Variants in FAM13B observed in about 807,000 individuals in gnomAD.
FAM13B encodes the protein protein FAM13B.
Under a neutral mutation model 117.3 loss-of-function variants are expected in FAM13B, and 60 were observed. The observed-to-expected ratio is 0.51, with a 90% CI of 0.42 to 0.63. The LOEUF (loss-of-function observed/expected upper bound fraction) is 0.63, where lower values mean the gene tolerates loss of function less well. Among genes scored for constraint, FAM13B ranks in the 30% least tolerant of loss-of-function variants. The pLI is 0.00. For missense variants in FAM13B, 972 were observed against 1,091.9 expected (o/e 0.89, Z 1.55); for synonymous variants, 332 against 356.1 (o/e 0.93, Z 0.76).
intron 6 of FAM13B, among the ~76,000 whole-genome samples, chr5:138,008,072 CA>C (rs758278171): frequency 1.9e-3 from 286 of 152,184 alleles, no homozygotes; most frequent in Non-Finnish European, 3.0e-3. Flanking sequence ...AAACTGCAAC[CA>C]AAAGAAAAGT....
intron 10 of FAM13B, among the ~76,000 whole-genome samples, chr5:137,968,774 G>A (rs950818332): frequency 2.0e-5 from 3 of 152,254 alleles, no homozygotes; most frequent in African/African-American, 7.2e-5. Flanking sequence ...AGCCAAAGCA[G>A]GGCGAGGCAT....
upstream of FAM13B, among the ~76,000 whole-genome samples, chr5:138,035,557 G>A (rs559825129): frequency 3.2e-4 from 48 of 152,058 alleles, no homozygotes; most frequent in Non-Finnish European, 5.0e-4. Context: ...GAGTAGATCT[G>A]TCATGTACCT....
At position 137,938,925 on chromosome 5, in the gene FAM13B, A is replaced by G. The variant is rs1048754844; in HGVS notation, c.*1300T>C. ...AGTCATCAATCCAAAAAAGCACCAG[A>G]AAAAAAAGTTAACACTTAGATTAAG... On this transcript the variant is annotated 3_prime_UTR_variant, in exon 24 of 24. Coordinates refer to ENST00000689681, the MANE Select transcript of FAM13B (RefSeq NM_001385994.1). 1 of 152,114 alleles carries G rather than the reference A, an allele frequency of 6.6e-6. No individual in the cohort carries two copies. The highest frequency in any genetic ancestry group is 1.9e-4 in the East Asian group (1 of 5,196). 9.4% of individuals were successfully genotyped at this position (152,114 alleles called of 1,614,324 possible). A position where few individuals can be genotyped will look rare whatever the true frequency, so the allele number is the denominator to read the frequency against.
chr5:137,986,755 T>C (rs1397841011), intron 9 of FAM13B, among the ~76,000 whole-genome samples: 2 of 152,244 alleles, frequency 1.3e-5, no homozygotes, highest in African/African-American at 4.8e-5. Context: ...TTAAAAGCCA[T>C]TCATTTGCTT....
At chr5:138,037,078 CTTCT>C (rs1211538673), upstream of FAM13B, 2 of 25,638 alleles carry the variant, frequency 7.8e-5, no homozygotes, top group African/African-American at 1.9e-4. Flanking sequence ...ATCACTTTTT[CTTCT>C]TTTTTTCCTA....
chr5:137,973,060 T>A (rs920319663), intron 10 of FAM13B, among the ~76,000 whole-genome samples: 7 of 152,028 alleles, frequency 4.6e-5, no homozygotes, highest in African/African-American at 1.5e-4. Context: ...TTCAATGCCA[T>A]CCCCATCAAG....
At chr5:138,024,037 A>G (rs1787511623) in intron 1 of FAM13B, among the ~76,000 whole-genome samples, 1 of 152,084 alleles carries the variant, frequency 6.6e-6, no homozygotes, top group Non-Finnish European at 1.5e-5. Flanking sequence ...ATTTCTGCAA[A>G]CTGCAAAGTA....
At chr5:137,998,389 G>A (rs1780368064) in intron 7 of FAM13B, among the ~76,000 whole-genome samples, 1 of 152,174 alleles carries the variant, frequency 6.6e-6, no homozygotes, top group Admixed American at 6.5e-5. Flanking sequence ...CTTACTCCTT[G>A]AGTACATTTC....
chr5:137,993,123 T>C (rs1327688652), intron 7 of FAM13B, among the ~76,000 whole-genome samples: 1 of 152,182 alleles, frequency 6.6e-6, no homozygotes, highest in Non-Finnish European at 1.5e-5. Flanking sequence ...CTGATTTCAT[T>C]TTCATAAAGC....
chr5:137,942,151 G>T, intron 22 of FAM13B, 106 bp from the exon 23 acceptor site: 1 of 822,764 alleles, frequency 1.2e-6, no homozygotes, highest in Non-Finnish European at 2.0e-6. Flanking sequence ...GAACTGTTAG[G>T]TCTACCAATG....
At chr5:138,030,489 C>T (rs1789606884) in intron 1 of FAM13B, among the ~76,000 whole-genome samples, 1 of 151,682 alleles carries the variant, frequency 6.6e-6, no homozygotes, top group Admixed American at 6.6e-5. Context: ...TCAACTGATC[C>T]TCCAGCCTTA....
intron 14 of FAM13B, among the ~76,000 whole-genome samples, chr5:137,954,892 G>C (rs1365167316): frequency 1.3e-5 from 2 of 152,054 alleles, no homozygotes; most frequent in African/African-American, 2.4e-5. Context: ...AGTGTGCAGG[G>C]ATTACAGGCA....
chr5:137,981,375 G>A (rs1056155012), intron 10 of FAM13B, among the ~76,000 whole-genome samples: 1 of 152,088 alleles, frequency 6.6e-6, no homozygotes, highest in African/African-American at 2.4e-5. Flanking sequence ...TTGAGGCCAG[G>A]AGTTTGAGGT....
At chr5:137,979,414 A>G (rs919476384) in intron 10 of FAM13B, among the ~76,000 whole-genome samples, 2 of 152,170 alleles carry the variant, frequency 1.3e-5, no homozygotes, top group Admixed American at 6.5e-5. Context: ...TGACTACTAC[A>G]AAAAACCTTC....
rs1373079387 is a variant in FAM13B at position 137,940,141 on chromosome 5, A to C, written c.*84T>G. 3 of 1,614,038 alleles carry C rather than the reference A, an allele frequency of 1.9e-6. No individual in the cohort carries two copies. The highest frequency in any genetic ancestry group is 2.5e-6 in the Non-Finnish European group (3 of 1,179,896). On this transcript the variant is annotated 3_prime_UTR_variant, in exon 24 of 24. Transcript: ENST00000689681. Reference sequence around the variant, plus strand: ...GATTCTCTGAGTGCCTGACAAAACGAATTTAAGTACCAGCCAAGTACACAC... The same window carrying C: ...GATTCTCTGAGTGCCTGACAAAACGCATTTAAGTACCAGCCAAGTACACAC...
chr5:137,953,538 G>A, intron 15 of FAM13B, 73 bp from the exon 16 acceptor site: 1 of 1,450,974 alleles, frequency 6.9e-7, no homozygotes. Context: ...GCCCTGACAT[G>A]GCACTATTAG....
chr5:138,001,043 C>A (rs1781140411), intron 7 of FAM13B, among the ~76,000 whole-genome samples: 1 of 151,654 alleles, frequency 6.6e-6, no homozygotes, highest in African/African-American at 2.4e-5. Context: ...TGGTAAATAC[C>A]AATAAGTATA....
intron 9 of FAM13B, 98 bp from the exon 10 acceptor site, chr5:137,985,487 A>G: frequency 8.2e-7 from 1 of 1,221,160 alleles, no homozygotes; most frequent in Non-Finnish European, 1.1e-6. Flanking sequence ...TGAAACTTTT[A>G]CTTGTTAAAG....
intron 7 of FAM13B, among the ~76,000 whole-genome samples, chr5:138,001,988 C>A (rs1419120135): frequency 9.9e-5 from 15 of 151,994 alleles, no homozygotes. Context: ...GTATGCAGAA[C>A]CTTACAGGCC....
Sources: gnomAD v4.1 joint callset for allele counts (sites outside exome capture counted in the v4.1 genomes callset) on GRCh38, gnomAD v4.1.1 for gene constraint, MANE v1.5 for transcripts, NCBI Gene and HGNC (gene_info 2026-07-23, HGNC 2026-07-21) for gene names.